Variants in EPHA3 observed in about 807,000 individuals in gnomAD.
EPHA3 encodes the protein EPH receptor A3.
A neutral mutation model predicts 107.1 loss-of-function variants in EPHA3; 42 were observed. The ratio of observed to expected loss-of-function variants is 0.39; its 90% confidence interval spans 0.31 to 0.51. The LOEUF (loss-of-function observed/expected upper bound fraction) is 0.51. Ranked by LOEUF, EPHA3 falls within the 20% of genes least tolerant of loss-of-function variation. The pLI, the probability that EPHA3 is intolerant of heterozygous loss-of-function variation, is 0.78. For synonymous variants in EPHA3, 461 were observed against 424.8 expected, an observed-to-expected ratio of 1.09 and a Z score of -1.05; for missense variants, 1,183 against 1,211.2, an observed-to-expected ratio of 0.98 and a Z score of 0.35.
chr3:89,256,244 C>G (rs1219787851), intron 3 of EPHA3, among the ~76,000 whole-genome samples: 1 of 151,260 alleles, frequency 6.6e-6, no homozygotes, highest in South Asian at 2.1e-4. Flanking sequence ...GAGTGAGACT[C>G]TCTCTCAAAA....
chr3:89,121,243 T>C (rs540908836), intron 1 of EPHA3, among the ~76,000 whole-genome samples: 1 of 150,942 alleles, frequency 6.6e-6, no homozygotes, highest in Non-Finnish European at 1.5e-5. Context: ...CTCAAAAAAA[T>C]AAATAAATAA....
intron 3 of EPHA3, among the ~76,000 whole-genome samples, chr3:89,259,643 T>C (rs1475047687): frequency 1.3e-5 from 2 of 152,186 alleles, no homozygotes; most frequent in African/African-American, 4.8e-5. Context: ...CTGAAGCAGA[T>C]TAACATATCT....
At chr3:89,336,226 G>T (rs185565605) in intron 3 of EPHA3, among the ~76,000 whole-genome samples, 5 of 152,248 alleles carry the variant, frequency 3.3e-5, no homozygotes, top group African/African-American at 1.2e-4. Context: ...TTAAATGAGA[G>T]AAATGTGTAG....
At chr3:89,460,598 G>T (rs1213778351) in intron 15 of EPHA3, among the ~76,000 whole-genome samples, 1 of 149,234 alleles carries the variant, frequency 6.7e-6, no homozygotes, top group Non-Finnish European at 1.5e-5. Flanking sequence ...TGATCTCTAA[G>T]AGTACATAAT....
chr3:89,440,689 T>C (rs978821755), intron 13 of EPHA3, among the ~76,000 whole-genome samples: 3 of 152,334 alleles, frequency 2.0e-5, no homozygotes, highest in Non-Finnish European at 2.9e-5. Context: ...CTAACTGCTG[T>C]ATCTAGGCAA....
chr3:89,114,366 A>G (rs1165380236), intron 1 of EPHA3, among the ~76,000 whole-genome samples: 1 of 152,052 alleles, frequency 6.6e-6, no homozygotes, highest in Non-Finnish European at 1.5e-5. Context: ...TCTTAACCAC[A>G]AACTATTCTC....
chr3:89,165,560 T>C (rs1705043561), intron 2 of EPHA3, among the ~76,000 whole-genome samples: 1 of 152,210 alleles, frequency 6.6e-6, no homozygotes, highest in Non-Finnish European at 1.5e-5. Context: ...ATCTCCATAT[T>C]GTAGTCAAAA....
intron 1 of EPHA3, among the ~76,000 whole-genome samples, chr3:89,117,757 C>T (rs1707290655): frequency 6.6e-6 from 1 of 151,842 alleles, no homozygotes; most frequent in African/African-American, 2.4e-5. Flanking sequence ...ACAAAAACAA[C>T]CATTGATTTA....
At chr3:89,184,069 T>TC in intron 2 of EPHA3, among the ~76,000 whole-genome samples, 1 of 151,946 alleles carries the variant, frequency 6.6e-6, no homozygotes, top group African/African-American at 2.4e-5. Context: ...CGGAGCAGTG[T>TC]TTGGAATTTT....
At position 89,306,881 on chromosome 3, in the gene EPHA3, A is replaced by T. The variant is rs546311866; in HGVS notation, c.815-34035A>T. On this transcript the variant is annotated intron_variant, in intron 3 of 16. Coordinates refer to ENST00000336596, the MANE Select transcript of EPHA3 (RefSeq NM_005233.6). ...TCGAATTGGATATAATTCTTTGTAG[A>T]TGAAGCACCTTTCATGGTTTCTTTG... Among the ~76,000 whole-genome samples, 44 of 152,310 alleles carry T rather than the reference A, an allele frequency of 2.9e-4. No individual in the cohort carries two copies. The South Asian group carries it at 8.7e-3, about 30-fold the overall frequency.
chr3:89,394,589 G>T (rs1209178259), intron 5 of EPHA3, among the ~76,000 whole-genome samples: 1 of 152,132 alleles, frequency 6.6e-6, no homozygotes, highest in Admixed American at 6.5e-5. Flanking sequence ...TCTATTATAG[G>T]TGAAGAATAA....
chr3:89,163,756 C>T (rs1479284430), intron 2 of EPHA3, among the ~76,000 whole-genome samples: 1 of 152,104 alleles, frequency 6.6e-6, no homozygotes, highest in African/African-American at 2.4e-5. Context: ...ATGGAACACT[C>T]CTGAACAAAT....
At chr3:89,339,412 TGTTAG>T (rs1383551631) in intron 3 of EPHA3, among the ~76,000 whole-genome samples, 1 of 151,394 alleles carries the variant, frequency 6.6e-6, no homozygotes, top group East Asian at 1.9e-4. Flanking sequence ...AAATTATAAT[TGTTAG>T]GGCAGTAGAA....
intron 3 of EPHA3, among the ~76,000 whole-genome samples, chr3:89,318,838 T>C (rs1407800815): frequency 2.6e-5 from 4 of 151,936 alleles, no homozygotes; most frequent in Non-Finnish European, 5.9e-5. Flanking sequence ...GTGTAATACT[T>C]GACACAAATA....
chr3:89,174,974 A>G (rs1184148900), intron 2 of EPHA3, among the ~76,000 whole-genome samples: 1 of 151,992 alleles, frequency 6.6e-6, no homozygotes, highest in African/African-American at 2.4e-5. Flanking sequence ...GGAAGCATGT[A>G]TTAACATTCT....
At chr3:89,226,864 G>T (rs1213142531) in intron 3 of EPHA3, among the ~76,000 whole-genome samples, 1 of 152,028 alleles carries the variant, frequency 6.6e-6, no homozygotes, top group Non-Finnish European at 1.5e-5. Context: ...CATGATTACT[G>T]AGACTTAATC....
chr3:89,335,724 G>A (rs1346890928), intron 3 of EPHA3, among the ~76,000 whole-genome samples: 1 of 151,996 alleles, frequency 6.6e-6, no homozygotes, highest in Non-Finnish European at 1.5e-5. Flanking sequence ...TTACAAAATG[G>A]GAGAAAGCAT....
intron 2 of EPHA3, among the ~76,000 whole-genome samples, chr3:89,148,293 G>T (rs1704612892): frequency 6.6e-6 from 1 of 151,928 alleles, no homozygotes; most frequent in African/African-American, 2.4e-5. Flanking sequence ...TCAAGTACCT[G>T]TTTTTAAAGT....
At chr3:89,358,815 A>G (rs1354433167) in intron 5 of EPHA3, among the ~76,000 whole-genome samples, 7 of 151,334 alleles carry the variant, frequency 4.6e-5, no homozygotes, top group African/African-American at 1.7e-4. Flanking sequence ...ACTAAAGAGA[A>G]GGAAAGTAAA....
Sources: gnomAD v4.1 joint callset for allele counts (sites outside exome capture counted in the v4.1 genomes callset) on GRCh38, gnomAD v4.1.1 for gene constraint, MANE v1.5 for transcripts, NCBI Gene and HGNC (gene_info 2026-07-23, HGNC 2026-07-21) for gene names.